HDAC4: variants seen among roughly 807,000 people sequenced by gnomAD.
The protein encoded by HDAC4 is histone deacetylase 4.
HDAC4 carries 16 observed loss-of-function variants against 135.1 expected under a neutral mutation model. The observed-to-expected ratio is 0.12, with a 90% CI of 0.08 to 0.18. HDAC4 has a LOEUF of 0.18. Ranked by LOEUF, HDAC4 falls within the 10% of genes least tolerant of loss-of-function variation. HDAC4 has a pLI of 1.00. For synonymous variants in HDAC4, 685 were observed against 653.4 expected (o/e 1.05, Z -0.74); for missense variants, 1,143 against 1,511.8 (o/e 0.76, Z 4.05).
At chr2:239,134,032 G>A (rs1427290637) in intron 11 of HDAC4, among the ~76,000 whole-genome samples, 1 of 152,124 alleles carries the variant, frequency 6.6e-6, no homozygotes, top group African/African-American at 2.4e-5. Flanking sequence ...AGTGACTTCT[G>A]TTTCCACTCC....
chr2:239,300,162 T>A (rs543218985), intron 2 of HDAC4, among the ~76,000 whole-genome samples: 4 of 152,208 alleles, frequency 2.6e-5, no homozygotes, highest in Admixed American at 6.5e-5. Flanking sequence ...GCCCAGGCTG[T>A]GCGCTGTGAA....
In HDAC4 at chr2:239,214,250, C is replaced by T. The variant is rs116191408; in HGVS notation, c.94+22343G>A. ...CGGAGGCTGCCATGTCCCCTGGCTCCTGGTCCCTTCTCTCCTCAACACCAG... is the reference window on the plus strand; with the variant it reads ...CGGAGGCTGCCATGTCCCCTGGCTCTTGGTCCCTTCTCTCCTCAACACCAG... On this transcript the variant is annotated intron_variant, in intron 3 of 26. Coordinates refer to ENST00000543185, the MANE Select transcript of HDAC4 (RefSeq NM_001378414.1). 3.2e-3 allele frequency among the ~76,000 whole-genome samples: 488 copies of T among 152,266 alleles called. 3 individuals are homozygous for T. Among genetic ancestry groups the T allele is most frequent in the African/African-American group, 0.011 (449 of 41,546 alleles).
rs1696876148 is a variant in HDAC4, at chr2:239,400,308, A to T, written c.-220+670T>A. The T allele has an allele frequency of 6.7e-6, 1 of 150,144 alleles. No individual in the cohort carries two copies. The highest frequency in any genetic ancestry group is 1.5e-5 in the Non-Finnish European group (1 of 67,282). The allele number at this position is 150,144 out of a possible 1,614,324, so 9.3% of individuals were successfully genotyped here. On this transcript the variant is annotated intron_variant, in intron 1 of 26. Transcript: ENST00000543185. This position sits in a 1 kb window ranked among gnomAD's most constrained non-coding sequence, Gnocchi z 4.7. ...AACTCACAGCATTTGACAAAGTTAC[A>T]TAAACGGCGCCCGGCCGGCCCCGGC...
At chr2:239,389,118 CACCAATCAGCACTCTGT>C in intron 1 of HDAC4, among the ~76,000 whole-genome samples, 1 of 152,094 alleles carries the variant, frequency 6.6e-6, no homozygotes, top group Non-Finnish European at 1.5e-5. Context: ...TGTAAAAATG[CACCAATCAGCACTCTGT>C]GTCTAGCTAA....
intron 13 of HDAC4, among the ~76,000 whole-genome samples, chr2:239,113,579 T>G (rs376658812): frequency 6.6e-6 from 1 of 152,262 alleles, no homozygotes; most frequent in Non-Finnish European, 1.5e-5. Context: ...AATCATCTCA[T>G]GCTTGGAATA....
At chr2:239,252,925 C>G (rs1008380241) in intron 2 of HDAC4, among the ~76,000 whole-genome samples, 7 of 152,374 alleles carry the variant, frequency 4.6e-5, no homozygotes, top group African/African-American at 1.4e-4. Flanking sequence ...AACGCACCAC[C>G]TGCGCTTCGC....
chr2:239,280,792 ACAC>A (rs1439064258), intron 2 of HDAC4, among the ~76,000 whole-genome samples: 1 of 151,504 alleles, frequency 6.6e-6, no homozygotes, highest in African/African-American at 2.4e-5. Context: ...TACAATGAAC[ACAC>A]CACTCTACAC....
At position 239,262,329 on chromosome 2, in the gene HDAC4, G is replaced by C. The variant is rs562285024; in HGVS notation, c.23-25665C>G. On this transcript the variant is annotated intron_variant, in intron 2 of 26. Coordinates refer to ENST00000543185, the MANE Select transcript of HDAC4 (RefSeq NM_001378414.1). The surrounding 1 kb of genome is among the most constrained non-coding windows in gnomAD (Gnocchi z 4.1). ...TCAGAGACCACAATAACACACTTTAGAAACAGAGTAGCAATTTGGTTCTCT... is the reference window on the plus strand; with the variant it reads ...TCAGAGACCACAATAACACACTTTACAAACAGAGTAGCAATTTGGTTCTCT... 2.6e-5 allele frequency among the ~76,000 whole-genome samples: 4 copies of C among 152,322 alleles called. No homozygotes were observed. In the South Asian group the frequency reaches 8.3e-4, roughly 32 times the overall value.
chr2:239,066,397 C>T (rs1287039614), intron 24 of HDAC4, among the ~76,000 whole-genome samples: 1 of 152,232 alleles, frequency 6.6e-6, no homozygotes, highest in Non-Finnish European at 1.5e-5. Flanking sequence ...AAAAGAAAAC[C>T]TCTGGTCACA....
intron 2 of HDAC4, among the ~76,000 whole-genome samples, chr2:239,271,943 C>A (rs1339212604): frequency 6.6e-6 from 1 of 152,212 alleles, no homozygotes; most frequent in Non-Finnish European, 1.5e-5. Context: ...GCAGACATCA[C>A]AACCTGGCGC....
At chr2:239,374,537 G>A (rs946646389) in intron 1 of HDAC4, among the ~76,000 whole-genome samples, 7 of 149,452 alleles carry the variant, frequency 4.7e-5, no homozygotes, top group Admixed American at 4.7e-4. Context: ...CCAAGTAGCT[G>A]GGACTACAGG....
intron 1 of HDAC4, among the ~76,000 whole-genome samples, chr2:239,363,125 G>A (rs948869321): frequency 1.3e-5 from 2 of 152,116 alleles, no homozygotes; most frequent in Admixed American, 1.3e-4. Context: ...ATTCTACATA[G>A]AAAACTATAA....
intron 2 of HDAC4, among the ~76,000 whole-genome samples, chr2:239,341,870 TAAG>T (rs1002828244): frequency 6.6e-6 from 1 of 152,144 alleles, no homozygotes; most frequent in African/African-American, 2.4e-5. Context: ...GTGACAGTAT[TAAG>T]AAGTGGGGCC....
chr2:239,268,090 G>T, intron 2 of HDAC4, among the ~76,000 whole-genome samples: 1 of 152,276 alleles, frequency 6.6e-6, no homozygotes, highest in Admixed American at 6.5e-5. Context: ...TTTGAGAGGG[G>T]TTTAAATTCA....
intron 6 of HDAC4, among the ~76,000 whole-genome samples, chr2:239,159,797 C>T (rs746474525): frequency 9.9e-5 from 15 of 152,244 alleles, no homozygotes; most frequent in Non-Finnish European, 2.1e-4. Flanking sequence ...CATAAATTAT[C>T]TTCCGATTTT....
At chr2:239,156,386 A>AAAACT (rs1216775885) in intron 7 of HDAC4, among the ~76,000 whole-genome samples, 1 of 152,230 alleles carries the variant, frequency 6.6e-6, no homozygotes, top group Non-Finnish European at 1.5e-5. Context: ...CCACCGAAAG[A>AAAACT]AAACTAAACT....
intron 5 of HDAC4, among the ~76,000 whole-genome samples, chr2:239,173,175 C>T (rs1357988190): frequency 6.6e-6 from 1 of 152,166 alleles, no homozygotes; most frequent in African/African-American, 2.4e-5. Context: ...ACAGTCATGA[C>T]ACCAAAACTT....
chr2:239,246,582 T>G (rs1478387605), intron 2 of HDAC4, among the ~76,000 whole-genome samples: 2 of 152,204 alleles, frequency 1.3e-5, no homozygotes, highest in Admixed American at 6.5e-5. Context: ...CCGCTCTTCC[T>G]GCTCCGCAGG....
At chr2:239,152,743 G>C (rs2042191816) in intron 7 of HDAC4, among the ~76,000 whole-genome samples, 1 of 152,184 alleles carries the variant, frequency 6.6e-6, no homozygotes. Context: ...GGCTCCTGCT[G>C]GTTTCTACCT....
Sources: allele counts gnomAD v4.1 joint callset (sites outside exome capture counted in the v4.1 genomes callset), GRCh38; gene constraint gnomAD v4.1.1; non-coding constraint Gnocchi (gnomAD v3.1); transcripts MANE v1.5; gene names NCBI Gene and HGNC (gene_info 2026-07-23, HGNC 2026-07-21).